Variants in OR1J2 observed in about 807,000 individuals in gnomAD.
OR1J2 encodes the protein olfactory receptor 1J2.
For missense variants in OR1J2, 304 were observed against 246.1 expected, an observed-to-expected ratio of 1.24 and a Z score of -1.57; for synonymous variants, 142 against 99.7, an observed-to-expected ratio of 1.42 and a Z score of -2.52.
At chr9:122,475,360 C>T in the OR1J2 span, among the ~76,000 whole-genome samples, 1,550 of 152,246 alleles carry the variant, frequency 0.01, 18 homozygotes, top group African/African-American at 0.036. Context: ...ATCTCTCTCC[C>T]GCCACATTTC....
chr9:122,512,916 T>G (rs1828657472), downstream of OR1J2, among the ~76,000 whole-genome samples: 1 of 152,146 alleles, frequency 6.6e-6, no homozygotes, highest in African/African-American at 2.4e-5. Flanking sequence ...AACAACATAT[T>G]TTCATATTTC....
the OR1J2 span, among the ~76,000 whole-genome samples, chr9:122,525,409 C>T: frequency 2.0e-5 from 3 of 152,184 alleles, no homozygotes; most frequent in African/African-American, 7.2e-5. Flanking sequence ...AGCCAGTGGA[C>T]ACCTGGTGAT....
the OR1J2 span, among the ~76,000 whole-genome samples, chr9:122,490,076 T>C: frequency 6.6e-6 from 1 of 152,180 alleles, no homozygotes; most frequent in Admixed American, 6.5e-5. Flanking sequence ...ATAACATAAG[T>C]CCAGTGCTAC....
the OR1J2 span, among the ~76,000 whole-genome samples, chr9:122,455,080 A>G: frequency 1.3e-5 from 2 of 152,192 alleles, no homozygotes; most frequent in East Asian, 1.9e-4. Context: ...GTAATATTTC[A>G]TTATATGAAG....
the OR1J2 span, among the ~76,000 whole-genome samples, chr9:122,454,108 T>C: frequency 6.6e-6 from 1 of 152,200 alleles, no homozygotes; most frequent in Admixed American, 6.5e-5. Context: ...TTCGGTCCAA[T>C]CCTCCTTATC....
the OR1J2 span, among the ~76,000 whole-genome samples, chr9:122,552,705 A>G: frequency 2.1e-4 from 32 of 150,960 alleles, no homozygotes; most frequent in African/African-American, 7.1e-4. Flanking sequence ...GGAGGAAGCT[A>G]TCTTGTCTTA....
the OR1J2 span, among the ~76,000 whole-genome samples, chr9:122,549,818 T>C: frequency 2.7e-3 from 407 of 152,278 alleles, 1 homozygote; most frequent in Non-Finnish European, 4.4e-3. Context: ...TTGTTCTTTT[T>C]GCTTAGGATT....
chr9:122,567,678 T>C, the OR1J2 span: 1 of 1,614,004 alleles, frequency 6.2e-7, no homozygotes, highest in Non-Finnish European at 8.5e-7. Context: ...CTTGACAGCG[T>C]AGGTGGATGG....
chr9:122,467,072 G>A, the OR1J2 span, among the ~76,000 whole-genome samples: 3 of 152,096 alleles, frequency 2.0e-5, no homozygotes, highest in Non-Finnish European at 2.9e-5. Context: ...TAAGCCACCT[G>A]CCTTGGCCTC....
At chr9:122,544,594 AT>A in the OR1J2 span, among the ~76,000 whole-genome samples, 2 of 151,606 alleles carry the variant, frequency 1.3e-5, no homozygotes, top group Non-Finnish European at 2.9e-5. Flanking sequence ...CTAATTTTGT[AT>A]TTTTAGTAAA....
chr9:122,451,458 T>A, the OR1J2 span, among the ~76,000 whole-genome samples: 16 of 152,240 alleles, frequency 1.1e-4, no homozygotes, highest in East Asian at 2.9e-3. Flanking sequence ...GTGCTGGGAT[T>A]ACAGGCGTGA....
the OR1J2 span, among the ~76,000 whole-genome samples, chr9:122,521,323 A>C: frequency 6.6e-6 from 1 of 152,208 alleles, no homozygotes; most frequent in Non-Finnish European, 1.5e-5. Context: ...CCCAATTCAA[A>C]AGCAATAACC....
upstream of OR1J2, among the ~76,000 whole-genome samples, chr9:122,506,687 G>C (rs772068542): frequency 6.6e-6 from 1 of 152,084 alleles, no homozygotes. Context: ...AGAAACAGAA[G>C]GCAGCAGTTG....
the OR1J2 span, chr9:122,553,073 G>T: frequency 1.2e-6 from 1 of 839,388 alleles, no homozygotes; most frequent in Non-Finnish European, 1.9e-6. Context: ...ATTCTTATTG[G>T]CAAAGACCAT....
chr9:122,528,974 T>A, the OR1J2 span, among the ~76,000 whole-genome samples: 1 of 152,222 alleles, frequency 6.6e-6, no homozygotes, highest in Non-Finnish European at 1.5e-5. Context: ...TTGTCCTGAT[T>A]TATATTTAGA....
At chr9:122,454,508 A>T in the OR1J2 span, among the ~76,000 whole-genome samples, 5 of 150,764 alleles carry the variant, frequency 3.3e-5, no homozygotes, top group African/African-American at 4.9e-5. Context: ...ACAGAGTGAG[A>T]CTCGATCTAA....
chr9:122,504,357 C>G, the OR1J2 span, among the ~76,000 whole-genome samples: 1 of 152,330 alleles, frequency 6.6e-6, no homozygotes, highest in African/African-American at 2.4e-5. Context: ...TCTGCCCATT[C>G]AGATGATCCA....
downstream of OR1J2, among the ~76,000 whole-genome samples, chr9:122,514,643 G>A (rs939122410): frequency 2.8e-4 from 42 of 152,222 alleles, no homozygotes; most frequent in African/African-American, 9.9e-4. Flanking sequence ...TTGTTTTCAT[G>A]TTTATATTAT....
chr9:122,578,938 C>A, the OR1J2 span, among the ~76,000 whole-genome samples: 7 of 151,134 alleles, frequency 4.6e-5, no homozygotes, highest in African/African-American at 1.7e-4. Context: ...TCCCCAAAAA[C>A]CTAAAATTAA....
Sources: gnomAD v4.1 joint callset for allele counts (sites outside exome capture counted in the v4.1 genomes callset) on GRCh38, gnomAD v4.1.1 for gene constraint, MANE v1.5 for transcripts, NCBI Gene and HGNC (gene_info 2026-07-23, HGNC 2026-07-21) for gene names.